HIBCH: variants seen among roughly 807,000 people sequenced by gnomAD.
HIBCH encodes 3-hydroxyisobutyryl-CoA hydrolase.
HIBCH carries 50 observed loss-of-function variants against 58.2 expected under a neutral mutation model. The observed-to-expected ratio is 0.86, with a 90% confidence interval of 0.68 to 1.09. The LOEUF is 1.09. HIBCH is among the 50% of genes least tolerant of loss of function. HIBCH has a pLI of 0.00. For missense variants in HIBCH, 450 were observed against 449.7 expected (o/e 1.00, Z -0.01); for synonymous variants, 151 against 146.9 (o/e 1.03, Z -0.20).
intron 11 of HIBCH, among the ~76,000 whole-genome samples, chr2:190,228,558 AGAG>A (rs1443216713): frequency 5.0e-5 from 4 of 79,532 alleles, no homozygotes; most frequent in African/African-American, 2.5e-4. Flanking sequence ...TTAAAAAAAA[AGAG>A]AGAGAGAGAA....
chr2:190,228,556 A>AG (rs1685990161), intron 11 of HIBCH, among the ~76,000 whole-genome samples: 1 of 137,982 alleles, frequency 7.2e-6, no homozygotes, highest in African/African-American at 2.9e-5. Flanking sequence ...AATTAAAAAA[A>AG]AAGAGAGAGA....
chr2:190,310,650 A>C, intron 2 of HIBCH, 104 bp downstream of exon 2: 1 of 921,806 alleles, frequency 1.1e-6, no homozygotes, highest in Non-Finnish European at 1.8e-6. Flanking sequence ...TGATGTACCT[A>C]AGGTCAAGGA....
intron 2 of HIBCH, 27 bp downstream of exon 2, chr2:190,310,727 G>C (rs1415222531): frequency 1.9e-6 from 3 of 1,569,758 alleles, no homozygotes. Flanking sequence ...TACAAATAAT[G>C]CCAGCAAAAC....
chr2:190,200,355 T>TCATCTGAAGGGCTGAACAGAGGTCC (rs1690193289), downstream of HIBCH: 1 of 545,248 alleles, frequency 1.8e-6, no homozygotes, highest in Non-Finnish European at 3.4e-6. Context: ...TAGATTTTAG[T>TCATCTGAAGGGCTGAACAGAGGTCC]CATCTGAAGG....
In HIBCH at chr2:190,192,899, T is replaced by G. The variant is rs193142481; in HGVS notation, c.*18-2902A>C. 4.3e-3 allele frequency among the ~76,000 whole-genome samples: 662 copies of G among 152,250 alleles called. 3 individuals are homozygous for G. Among genetic ancestry groups the G allele is most frequent in the East Asian group, 5.4e-3 (28 of 5,190 alleles). On this transcript the variant is annotated intron_variant, in intron 1 of 1. Coordinates refer to the HIBCH transcript ENST00000399855. ...TACAATTATTCCAGTAAATTTTTTTTGGGGGGAGGCCATATAATCTTTAAA... is the reference window on the plus strand; with the variant it reads ...TACAATTATTCCAGTAAATTTTTTTGGGGGGGAGGCCATATAATCTTTAAA...
chr2:190,195,669 TCAAATATGCTTTTGCAATATTTTCTCC>T (rs1436725674), intron 1 of HIBCH, among the ~76,000 whole-genome samples: 1 of 152,244 alleles, frequency 6.6e-6, no homozygotes, highest in African/African-American at 2.4e-5. Context: ...CAATCTTTTA[TCAAATATGCTTTTGCAATATTTTCTCC>T]CAGTCTGTGG....
In HIBCH at chr2:190,254,209, A is replaced by T. The variant is rs1387533147; in HGVS notation, c.518-1902T>A. On this transcript the variant is annotated intron_variant, in intron 7 of 13. Coordinates refer to ENST00000359678, the MANE Select transcript of HIBCH (RefSeq NM_014362.4). The surrounding 1 kb of genome is among the most constrained non-coding windows in gnomAD (Gnocchi z 5.0). ...ACTGCATTTGGAAGCAGGGCCTTTG[A>T]AGAGGTAATTAAGTTTAAGTGAGGT... is the stretch of plus-strand genomic sequence containing the variant. 6.6e-6 allele frequency among the ~76,000 whole-genome samples: 1 copy of T among 152,084 alleles called. No homozygotes were observed. Among genetic ancestry groups the T allele is most frequent in the African/African-American group, 2.4e-5 (1 of 41,412 alleles).
At chr2:190,222,716 T>C (rs1254805702) in intron 11 of HIBCH, among the ~76,000 whole-genome samples, 1 of 152,208 alleles carries the variant, frequency 6.6e-6, no homozygotes, top group Non-Finnish European at 1.5e-5. Context: ...AGTGTGGTGA[T>C]TCTTCAAGGA....
Position 190,246,217 on chromosome 2 carries a change from T to G in HIBCH, c.751-5A>C. 1 of 1,557,152 alleles carries G rather than the reference T, an allele frequency of 6.4e-7. No homozygotes were observed. On this transcript the variant is annotated splice_polypyrimidine_tract_variant and splice_region_variant and intron_variant, in intron 9 of 13. Transcript: ENST00000359678. ...CTTGTCTCGATCAATCTTAGACTGT[T>G]TGAAAAGAAAAATCTTTTAATAAAT...
At chr2:190,221,350 G>A (rs901568573) in intron 11 of HIBCH, among the ~76,000 whole-genome samples, 2 of 152,136 alleles carry the variant, frequency 1.3e-5, no homozygotes, top group Non-Finnish European at 2.9e-5. Flanking sequence ...TGCCAACCTC[G>A]TAAAAATGAT....
chr2:190,294,639 A>C lies in HIBCH; in HGVS notation c.220-9T>G, dbSNP rs786200864. ...GGATCTTGTTCCCACTTCTATTCAAATGTAACAGAAGATGGTATAAGCATA... is the reference window on the plus strand; with the variant it reads ...GGATCTTGTTCCCACTTCTATTCAACTGTAACAGAAGATGGTATAAGCATA... On this transcript the variant is annotated splice_polypyrimidine_tract_variant and intron_variant, in intron 3 of 13. Coordinates refer to ENST00000359678, the MANE Select transcript of HIBCH (RefSeq NM_014362.4). The C allele has an allele frequency of 3.2e-6, 5 of 1,571,744 alleles. No homozygotes were observed. Among genetic ancestry groups the C allele is most frequent in the Middle Eastern group, 1.9e-4 (1 of 5,204 alleles).
intron 6 of HIBCH, among the ~76,000 whole-genome samples, chr2:190,263,690 C>T (rs1687155620): frequency 6.6e-6 from 1 of 152,174 alleles, no homozygotes; most frequent in Non-Finnish European, 1.5e-5. Flanking sequence ...AAAAGTAAAT[C>T]TCTTGATTTC....
At position 190,246,186 on chromosome 2, in the gene HIBCH, A is replaced by T. The variant is rs759563092; in HGVS notation, c.777T>A (p.Phe259Leu). The change falls in exon 10 of 14, where the codon TTT (phenylalanine) becomes TTA (leucine). Residue 259 changes from phenylalanine to leucine, a missense_variant. Coordinates refer to ENST00000359678, the MANE Select transcript of HIBCH (RefSeq NM_014362.4). ...TTTTGTCCATGTGTTCCTCAAGTAT[A>T]AAAGACTTGTCTCGATCAATCTTAG... The part of the protein sequence containing the change: ...TESKIDRDKS[F>L]ILEEHMDKIN... The T allele has an allele frequency of 1.3e-6, 2 of 1,595,542 alleles. No individual in the cohort carries two copies. Among genetic ancestry groups the T allele is most frequent in the Non-Finnish European group, 8.6e-7 (1 of 1,164,054 alleles).
chr2:190,282,569 A>G (rs1212858373), intron 6 of HIBCH, among the ~76,000 whole-genome samples: 1 of 152,014 alleles, frequency 6.6e-6, no homozygotes, highest in Non-Finnish European at 1.5e-5. Context: ...TAAAGGCACC[A>G]CCTCCCAACA....
intron 6 of HIBCH, among the ~76,000 whole-genome samples, chr2:190,266,495 G>A (rs1475306974): frequency 4.0e-5 from 6 of 151,382 alleles, no homozygotes; most frequent in Admixed American, 6.6e-5. Flanking sequence ...GTGCAGTGGC[G>A]TGACCTTTAC....
chr2:190,249,234 A>G (rs1686695383), intron 9 of HIBCH, among the ~76,000 whole-genome samples: 1 of 152,366 alleles, frequency 6.6e-6, no homozygotes, highest in Admixed American at 6.5e-5. Context: ...CTCTTATAAG[A>G]AAATTCAAGT....
In HIBCH at chr2:190,319,788, T is replaced by A. The variant is rs1034476939; in HGVS notation, c.-38A>T. ...CGAAGCTAAAGCAGCAGAGCGAGAA[T>A]CTCCCGGACCGTTCCAGCGCCTCGC... On this transcript the variant is annotated 5_prime_UTR_variant, in exon 1 of 14. Coordinates refer to ENST00000359678, the MANE Select transcript of HIBCH (RefSeq NM_014362.4). 6.2e-7 allele frequency: 1 copy of A among 1,600,198 alleles called. No individual in the cohort carries two copies. The highest frequency in any genetic ancestry group is 1.3e-5 in the African/African-American group (1 of 74,736).
intron 11 of HIBCH, 39 bp from the exon 12 acceptor site, chr2:190,213,114 T>C (rs945220345): frequency 4.4e-5 from 65 of 1,468,390 alleles, no homozygotes; most frequent in Non-Finnish European, 6.0e-5. Flanking sequence ...AGTCCAATAG[T>C]TCCTTTATTG....
chr2:190,225,024 G>C (rs1031988317), intron 11 of HIBCH, among the ~76,000 whole-genome samples: 1 of 152,134 alleles, frequency 6.6e-6, no homozygotes, highest in African/African-American at 2.4e-5. Flanking sequence ...ATGACTACTA[G>C]GTACATAACG....
Sources: allele counts gnomAD v4.1 joint callset (sites outside exome capture counted in the v4.1 genomes callset), GRCh38; gene constraint gnomAD v4.1.1; non-coding constraint Gnocchi (gnomAD v3.1); transcripts MANE v1.5; gene names NCBI Gene and HGNC (gene_info 2026-07-23, HGNC 2026-07-21).